Variants in POMT1 observed in about 807,000 individuals in gnomAD.
The protein encoded by POMT1 is protein O-mannosyl-transferase 1.
POMT1 carries 85 observed loss-of-function variants against 101.6 expected under a neutral mutation model. That is an observed-to-expected ratio of 0.84 (90% CI 0.70 to 1.00). The LOEUF is 1.00. Ranked by LOEUF, POMT1 falls within the 50% of genes least tolerant of loss-of-function variation. The pLI, the probability that POMT1 is intolerant of heterozygous loss-of-function variation, is 0.00. For synonymous variants in POMT1, 371 were observed against 383.0 expected (o/e 0.97, Z 0.37); for missense variants, 857 against 930.4 (o/e 0.92, Z 1.03).
intron 4 of POMT1, chr9:131,506,655 T>G: frequency 1.6e-6 from 1 of 621,124 alleles, no homozygotes; most frequent in Non-Finnish European, 2.8e-6. Context: ...GGTTAAAATC[T>G]TACTGTTCAG....
At position 131,519,354 on chromosome 9, in the gene POMT1, A is replaced by C. The variant is rs978129306; in HGVS notation, c.1487-35A>C. 3.2e-6 allele frequency: 5 copies of C among 1,542,252 alleles called. No homozygotes were observed. The African/African-American group carries it at 5.5e-5, about 17-fold the overall frequency. On this transcript the variant is annotated intron_variant, in intron 15 of 19. Coordinates refer to ENST00000402686, the MANE Select transcript of POMT1 (RefSeq NM_001077365.2). The surrounding 1 kb of genome is among the most constrained non-coding windows in gnomAD (Gnocchi z 4.3). ...TGCTCTGAGCTCTTGACCTTGTGCT[A>C]CTTCTATCTGTTATGCCCTTGTCTG...
In POMT1 at chr9:131,510,353, C is replaced by T. The variant is rs1946845235; in HGVS notation, c.793C>T (p.Leu265=). ...ACTGTTCTTCTACGTCCACTTGATT[C>T]TAGTCTTCCGCTCTGGGCCCCACGA... ...YLLFFYVHLI[L]VFRSGPHDQI... The change falls in exon 9 of 20, where the codon CTA becomes TTA. Residue 265 remains leucine, a synonymous_variant. Coordinates refer to ENST00000402686, the MANE Select transcript of POMT1 (RefSeq NM_001077365.2). 1.2e-6 allele frequency: 2 copies of T among 1,614,220 alleles called. No homozygotes were observed. Among genetic ancestry groups the T allele is most frequent in the Non-Finnish European group, 8.5e-7 (1 of 1,180,024 alleles).
intron 13 of POMT1, chr9:131,518,222 CGAG>C (rs772149892): frequency 1.2e-5 from 8 of 645,112 alleles, no homozygotes; most frequent in Non-Finnish European, 2.3e-5. Context: ...ACGGCCTTGG[CGAG>C]GAGGAGGGTG....
intron 6 of POMT1, among the ~76,000 whole-genome samples, 194 bp downstream of exon 6, chr9:131,509,216 T>C (rs185461488): frequency 6.6e-6 from 1 of 152,270 alleles, no homozygotes; most frequent in East Asian, 1.9e-4. Context: ...AATGGCGCAA[T>C]CTCGGCTCAC....
At position 131,521,376 on chromosome 9, in the gene POMT1, A is replaced by G. The variant is rs749978093; in HGVS notation, c.1729A>G (p.Ile577Val). Residue 577 changes from isoleucine to valine, a missense_variant, in exon 18 of 20, where the codon ATC (isoleucine) becomes GTC (valine). Transcript: ENST00000402686. ...AQIHLLGNIV[I>V]WVSGSLALAI... is the part of the protein sequence containing the mutation. The stretch of plus-strand genomic sequence containing the variant: ...GATCCACCTACTTGGAAACATAGTG[A>G]TCTGGGTTTCGGGCAGCCTCGCTCT... 1.2e-5 allele frequency: 19 copies of G among 1,613,996 alleles called. No homozygotes were observed. The Admixed American group carries it at 2.7e-4, about 23-fold the overall frequency.
At position 131,515,464 on chromosome 9, in the gene POMT1, A is replaced by C; in HGVS notation, c.1214A>C (p.Glu405Ala). The change falls in exon 13 of 20, where the codon GAG becomes GCG. Residue 405 changes from glutamate (E) to alanine (A), a missense_variant. Glu to Ala is a moderately radical substitution (Grantham distance 107). Transcript: ENST00000402686. ...VAAPLSPHSQ[E>A]VSCYIDYNIS... ...GCCCCCCTGAGCCCCCATTCACAGG[A>C]GGTCTCCTGCTACATTGACTATAAC... The C allele has an allele frequency of 6.2e-7, 1 of 1,614,196 alleles. No homozygotes were observed. Among genetic ancestry groups the C allele is most frequent in the Non-Finnish European group, 8.5e-7 (1 of 1,180,032 alleles).
chr9:131,520,662 C>CG (rs1949737170), intron 17 of POMT1, among the ~76,000 whole-genome samples: 2 of 152,204 alleles, frequency 1.3e-5, no homozygotes, highest in Non-Finnish European at 1.5e-5. Flanking sequence ...GCGGGTAGGT[C>CG]GGCTCAGCAT....
chr9:131,520,010 T>C, intron 16 of POMT1, 70 bp from the exon 17 acceptor site: 1 of 1,290,566 alleles, frequency 7.7e-7, no homozygotes, highest in East Asian at 2.4e-5. Flanking sequence ...AGTGTACTCC[T>C]TTGACCAAAT....
At chr9:131,506,325 C>A (rs2131590987) in intron 3 of POMT1, 78 bp from the exon 4 acceptor site, 2 of 1,548,206 alleles carry the variant, frequency 1.3e-6, no homozygotes, top group African/African-American at 2.7e-5. Flanking sequence ...ATTATTGATG[C>A]ATCTTGTTTA....
chr9:131,505,428 C>T (rs1473568619), intron 2 of POMT1, among the ~76,000 whole-genome samples: 2 of 151,384 alleles, frequency 1.3e-5, no homozygotes, highest in East Asian at 1.9e-4. Context: ...ACGCCTGGCT[C>T]ATTTTTGTAT....
intron 12 of POMT1, among the ~76,000 whole-genome samples, chr9:131,514,388 G>A (rs1293165700): frequency 6.6e-6 from 1 of 152,248 alleles, no homozygotes; most frequent in Non-Finnish European, 1.5e-5. Flanking sequence ...CTCCCTCTGC[G>A]AGAATGTTCT....
Position 131,506,133 on chromosome 9 carries a change from G to A in POMT1, c.142G>A (p.Gly48Arg). 9.3e-6 allele frequency: 15 copies of A among 1,613,748 alleles called. No homozygotes were observed. Among genetic ancestry groups the A allele is most frequent in the Non-Finnish European group, 1.3e-5 (15 of 1,179,884 alleles). The change falls in exon 3 of 20, where the codon GGG becomes AGG. Residue 48 changes from glycine to arginine, a missense_variant. Coordinates refer to ENST00000402686, the MANE Select transcript of POMT1 (RefSeq NM_001077365.2). The stretch of plus-strand genomic sequence containing the variant: ...TTCTAGTTTTGACGAAGTATATTAT[G>A]GGCAGTACATCTCTTTTTACATGAA... ...RAVVFDEVYY[G>R]QYISFYMKQI...
At position 131,507,235 on chromosome 9, in the gene POMT1, T is replaced by G. The variant is rs1470273221; in HGVS notation, c.281-133T>G. On this transcript the variant is annotated intron_variant, in intron 4 of 19. Transcript: ENST00000402686. ...CATAGTTTATGCACTCTGCTGCTGA[T>G]GGGGTCCCCAGTTTTGTAAACGTGC... The G allele has an allele frequency of 2.9e-6, 4 of 1,371,812 alleles. No individual in the cohort carries two copies. In the African/African-American group the frequency reaches 5.7e-5, roughly 20 times the overall value. The allele number at this position is 1,371,812 out of a possible 1,614,324, so 85.0% of individuals were successfully genotyped here.
chr9:131,513,246 C>T lies in POMT1; in HGVS notation c.1090C>T (p.Leu364=). ...WIVKDPRRHQ[L]VVSSPPRPVR... ...CAGCACTGTGTCTTCCAGGCACCAG[C>T]TGGTGGTGAGCAGCCCTCCGAGACC... The change falls in exon 12 of 20, where the codon CTG becomes TTG. Residue 364 remains leucine, a synonymous_variant. Coordinates refer to ENST00000402686, the MANE Select transcript of POMT1 (RefSeq NM_001077365.2). 1 of 1,613,070 alleles carries T rather than the reference C, an allele frequency of 6.2e-7. No homozygotes were observed. Among genetic ancestry groups the T allele is most frequent in the Non-Finnish European group, 8.5e-7 (1 of 1,179,980 alleles).
rs1160608764 is a variant in POMT1, at chr9:131,518,464, C to T, written c.1292C>T (p.Ser431Phe). 8 of 1,613,606 alleles carry T rather than the reference C, an allele frequency of 5.0e-6. No homozygotes were observed. The highest frequency in any genetic ancestry group is 6.8e-6 in the Non-Finnish European group (8 of 1,179,742). Residue 431 changes from serine (S) to phenylalanine (F), a missense_variant, in exon 14 of 20, where the codon TCT (serine) becomes TTT (phenylalanine). By Grantham distance (155) the Ser-to-Phe change is radical. Coordinates refer to ENST00000402686, the MANE Select transcript of POMT1 (RefSeq NM_001077365.2). ...TTGCAGGAAATTGTGAACAGAGGAT[C>T]TGACACAGACGTCTGGAAGACCATC... is the stretch of plus-strand genomic sequence containing the variant. ...LWRLEIVNRGSDTDVWKTILS... is the reference protein window; with the variant it reads ...LWRLEIVNRGFDTDVWKTILS...
At chr9:131,513,873 C>T (rs1947690631) in intron 12 of POMT1, among the ~76,000 whole-genome samples, 2 of 152,340 alleles carry the variant, frequency 1.3e-5, no homozygotes, top group African/African-American at 4.8e-5. Context: ...CTGTTGCTCT[C>T]AGTCTCTGAG....
chr9:131,517,385 C>A (rs1310966798), intron 13 of POMT1, among the ~76,000 whole-genome samples: 1 of 152,028 alleles, frequency 6.6e-6, no homozygotes, highest in Admixed American at 6.6e-5. Flanking sequence ...CATGCCTGGC[C>A]CCTGTTAATT....
At chr9:131,507,657 C>T in intron 5 of POMT1, 143 bp downstream of exon 5, 1 of 1,201,036 alleles carries the variant, frequency 8.3e-7, no homozygotes, top group Non-Finnish European at 1.2e-6. Context: ...AAGTCACCCG[C>T]TCCCAGGCTG....
chr9:131,523,027 G>A lies in POMT1; in HGVS notation c.2099G>A (p.Gly700Glu). 6.2e-7 allele frequency: 1 copy of A among 1,610,882 alleles called. No individual in the cohort carries two copies. The highest frequency in any genetic ancestry group is 8.5e-7 in the Non-Finnish European group (1 of 1,179,794). The change falls in exon 20 of 20, where the codon GGG becomes GAG. Residue 700 changes from glycine (G) to glutamate (E), a missense_variant. Transcript: ENST00000402686. The part of the protein sequence containing the change: ...VSNTLRPLTY[G>E]DKSLSPHELK... ...AACACGCTGCGCCCACTCACCTACG[G>A]GGACAAGTCACTCTCGCCACATGAA...
Sources: gnomAD v4.1 joint callset for allele counts (sites outside exome capture counted in the v4.1 genomes callset) on GRCh38, gnomAD v4.1.1 for gene constraint, Gnocchi (gnomAD v3.1) non-coding constraint, MANE v1.5 for transcripts, NCBI Gene and HGNC (gene_info 2026-07-23, HGNC 2026-07-21) for gene names.